Variants in PRKCA observed in about 807,000 individuals in gnomAD.
PRKCA encodes protein kinase C alpha.
A neutral mutation model predicts 87.0 loss-of-function variants in PRKCA; 27 were observed. The observed-to-expected ratio is 0.31, with a 90% CI of 0.23 to 0.43. PRKCA has a LOEUF of 0.43. PRKCA is among the 20% of genes least tolerant of loss of function. The pLI is 1.00. For synonymous variants in PRKCA, 329 were observed against 311.1 expected (o/e 1.06, Z -0.61); for missense variants, 518 against 852.3 (o/e 0.61, Z 4.88).
At chr17:66,492,992 A>G (rs1326591550) in intron 2 of PRKCA, among the ~76,000 whole-genome samples, 1 of 151,932 alleles carries the variant, frequency 6.6e-6, no homozygotes, top group African/African-American at 2.4e-5. Context: ...TCCCCCTCTA[A>G]AGGGATGCTT....
At chr17:66,621,916 T>C (rs1422113674) in intron 3 of PRKCA, among the ~76,000 whole-genome samples, 7 of 152,352 alleles carry the variant, frequency 4.6e-5, no homozygotes, top group African/African-American at 1.4e-4. Flanking sequence ...TAAAAATAAG[T>C]TGAGGCTGGT....
At chr17:66,627,603 G>A (rs1049725241) in intron 3 of PRKCA, among the ~76,000 whole-genome samples, 1 of 152,162 alleles carries the variant, frequency 6.6e-6, no homozygotes, top group African/African-American at 2.4e-5. Flanking sequence ...TGCTTTTCAC[G>A]AGTGAAGACC....
At chr17:66,542,220 T>C (rs1186848681) in intron 3 of PRKCA, among the ~76,000 whole-genome samples, 4 of 152,208 alleles carry the variant, frequency 2.6e-5, no homozygotes, top group Admixed American at 2.6e-4. Context: ...GTGATTAAAA[T>C]ATGACCTTTT....
At chr17:66,604,178 A>ATGGATAAT (rs1970142030) in intron 3 of PRKCA, among the ~76,000 whole-genome samples, 1 of 152,182 alleles carries the variant, frequency 6.6e-6, no homozygotes, top group East Asian at 1.9e-4. Context: ...AGTGTGTTAA[A>ATGGATAAT]AGAAAAAGCA....
intron 14 of PRKCA, among the ~76,000 whole-genome samples, chr17:66,782,324 A>G (rs1975259072): frequency 6.6e-6 from 1 of 152,148 alleles, no homozygotes; most frequent in South Asian, 2.1e-4. Context: ...TTTGCAACAG[A>G]GGAAACAGAC....
chr17:66,787,123 C>T (rs1033492997), intron 15 of PRKCA, 149 bp downstream of exon 15: 4 of 790,944 alleles, frequency 5.1e-6, no homozygotes, highest in Non-Finnish European at 9.3e-6. Flanking sequence ...TGGTGTCATG[C>T]CCCAAGATAA....
intron 2 of PRKCA, among the ~76,000 whole-genome samples, chr17:66,319,745 T>A (rs1480921038): frequency 6.6e-6 from 1 of 151,776 alleles, no homozygotes; most frequent in African/African-American, 2.4e-5. Context: ...CTTTTTTTTT[T>A]TTAATTTTTT....
At chr17:66,702,204 A>G (rs1356707510) in intron 8 of PRKCA, among the ~76,000 whole-genome samples, 2 of 150,808 alleles carry the variant, frequency 1.3e-5, no homozygotes, top group East Asian at 3.9e-4. Flanking sequence ...ATATATGTAT[A>G]TGTGTGTATG....
chr17:66,347,047 T>C (rs1179497491), intron 2 of PRKCA, among the ~76,000 whole-genome samples: 1 of 151,152 alleles, frequency 6.6e-6, no homozygotes, highest in Non-Finnish European at 1.5e-5. Context: ...AAAAAAAAAT[T>C]ATTGGGGACT....
At position 66,738,710 on chromosome 17, in the gene PRKCA, G is replaced by A. The variant is rs1156613215; in HGVS notation, c.1231-54G>A. 4 of 1,438,510 alleles carry A rather than the reference G, an allele frequency of 2.8e-6. No individual in the cohort carries two copies. The African/African-American group carries it at 4.2e-5, about 15-fold the overall frequency. The allele number at this position is 1,438,510 out of a possible 1,614,324, so 89.1% of individuals were successfully genotyped here. A position where few individuals can be genotyped will look rare whatever the true frequency, so the allele number is the denominator to read the frequency against. ...AAAACACAACCTGTGAAGAGCAAAG[G>A]AAGCCACTTGGCTGGGGAGGAGCCC... On this transcript the variant is annotated intron_variant, in intron 10 of 16. Coordinates refer to ENST00000413366, the MANE Select transcript of PRKCA (RefSeq NM_002737.3).
intron 8 of PRKCA, among the ~76,000 whole-genome samples, chr17:66,706,262 C>A (rs563384933): frequency 3.9e-5 from 6 of 152,250 alleles, no homozygotes; most frequent in African/African-American, 1.4e-4. Flanking sequence ...CCCCCAGTAC[C>A]CATATTAAAT....
At chr17:66,342,902 G>T (rs755086104) in intron 2 of PRKCA, among the ~76,000 whole-genome samples, 1 of 152,106 alleles carries the variant, frequency 6.6e-6, no homozygotes, top group Non-Finnish European at 1.5e-5. Context: ...ATCCATCCTT[G>T]TTCATAGAAA....
At chr17:66,338,965 C>T (rs1232619499) in intron 2 of PRKCA, among the ~76,000 whole-genome samples, 5 of 152,048 alleles carry the variant, frequency 3.3e-5, no homozygotes, top group Non-Finnish European at 7.4e-5. Context: ...CCACACAGGC[C>T]CTAATCTGTC....
At chr17:66,650,016 T>G (rs1971550288) in intron 5 of PRKCA, among the ~76,000 whole-genome samples, 1 of 152,120 alleles carries the variant, frequency 6.6e-6, no homozygotes, top group African/African-American at 2.4e-5. Context: ...AGAACACAAA[T>G]ATAAACCATA....
At position 66,802,633 on chromosome 17, in the gene PRKCA, T is replaced by C. The variant is rs567478035; in HGVS notation, c.1855-1240T>C. On this transcript the variant is annotated intron_variant, in intron 16 of 16. Transcript: ENST00000413366. ...AGACTCAACTGCCTTATAAAAACAC[T>C]AGCAGCACGTGCTGGCCTCTCGCCT... 6.9e-4 allele frequency among the ~76,000 whole-genome samples: 105 copies of C among 152,234 alleles called. 1 individual carries two copies. The highest frequency in any genetic ancestry group is 1.9e-3 in the African/African-American group (78 of 41,548).
intron 2 of PRKCA, among the ~76,000 whole-genome samples, chr17:66,427,335 C>T (rs1000675667): frequency 5.3e-5 from 8 of 152,224 alleles, no homozygotes; most frequent in African/African-American, 1.9e-4. Context: ...CCTGGCCTCA[C>T]TTGTTTTTTG....
chr17:66,584,827 A>G (rs1385999676), intron 3 of PRKCA, among the ~76,000 whole-genome samples: 1 of 152,102 alleles, frequency 6.6e-6, no homozygotes, highest in Admixed American at 6.5e-5. Context: ...TCTTATCTCG[A>G]GGTCTTTATT....
chr17:66,438,929 A>G (rs908393787), intron 2 of PRKCA, among the ~76,000 whole-genome samples: 5 of 152,166 alleles, frequency 3.3e-5, no homozygotes, highest in Non-Finnish European at 7.3e-5. Flanking sequence ...ACAATTCAAG[A>G]TGAAATTTGG....
chr17:66,799,945 G>A (rs1975862968), intron 16 of PRKCA, among the ~76,000 whole-genome samples: 1 of 152,000 alleles, frequency 6.6e-6, no homozygotes, highest in African/African-American at 2.4e-5. Flanking sequence ...ACTTCTCTGT[G>A]GTTTGATCTC....
Sources: gnomAD v4.1 joint callset for allele counts (sites outside exome capture counted in the v4.1 genomes callset) on GRCh38, gnomAD v4.1.1 for gene constraint, MANE v1.5 for transcripts, NCBI Gene and HGNC (gene_info 2026-07-23, HGNC 2026-07-21) for gene names.